Variants in SYT9 observed in about 807,000 individuals in gnomAD.
SYT9 encodes synaptotagmin-9.
SYT9 carries 22 observed loss-of-function variants against 48.4 expected under a neutral mutation model. The observed-to-expected ratio is 0.45, with a 90% CI of 0.32 to 0.65. The LOEUF is 0.65. SYT9 is among the 30% of genes least tolerant of loss of function. The pLI is 0.03. For synonymous variants in SYT9, 265 were observed against 245.0 expected (o/e 1.08, Z -0.76); for missense variants, 577 against 622.0 (o/e 0.93, Z 0.77).
intron 3 of SYT9, among the ~76,000 whole-genome samples, chr11:7,333,296 A>G (rs1025252837): frequency 1.3e-5 from 2 of 152,134 alleles, no homozygotes; most frequent in African/African-American, 2.4e-5. Flanking sequence ...AGCTCCACAC[A>G]CTCAGCTATG....
chr11:7,258,563 GA>G (rs900135836), intron 1 of SYT9, among the ~76,000 whole-genome samples: 213 of 150,858 alleles, frequency 1.4e-3, no homozygotes, highest in African/African-American at 5.0e-3. Flanking sequence ...GCACTTGAAA[GA>G]AAAAAAAATC....
At chr11:7,341,064 A>G (rs1245120484) in intron 3 of SYT9, among the ~76,000 whole-genome samples, 5 of 152,200 alleles carry the variant, frequency 3.3e-5, no homozygotes, top group Admixed American at 1.3e-4. Flanking sequence ...TGAAGCTGTT[A>G]CTAGCTGGAA....
At chr11:7,412,592 C>T (rs554134975) in intron 3 of SYT9, among the ~76,000 whole-genome samples, 1 of 152,288 alleles carries the variant, frequency 6.6e-6, no homozygotes, top group Admixed American at 6.5e-5. Flanking sequence ...CTTTGAGCCC[C>T]AGAGTGATGT....
chr11:7,353,024 T>C (rs1849947320), intron 3 of SYT9, among the ~76,000 whole-genome samples: 1 of 152,222 alleles, frequency 6.6e-6, no homozygotes, highest in African/African-American at 2.4e-5. Context: ...TAAATATACA[T>C]ATATGGGGTA....
chr11:7,287,397 G>A (rs1021934883), intron 1 of SYT9, among the ~76,000 whole-genome samples: 5 of 152,156 alleles, frequency 3.3e-5, no homozygotes, highest in African/African-American at 9.7e-5. Flanking sequence ...AGATTTGGGT[G>A]GGGACACAGA....
chr11:7,313,977 G>A (rs1045860687), intron 3 of SYT9, 36 bp downstream of exon 3: 7 of 1,581,512 alleles, frequency 4.4e-6, no homozygotes, highest in Non-Finnish European at 6.0e-6. Context: ...GTGGTGGGGG[G>A]CATCTTGGTT....
chr11:7,468,060 T>C lies in SYT9; in HGVS notation c.*1260T>C, dbSNP rs931374308. 1.0e-5 allele frequency: 4 copies of C among 385,992 alleles called. No individual in the cohort carries two copies. Among genetic ancestry groups the C allele is most frequent in the African/African-American group, 2.1e-5 (1 of 48,314 alleles). The allele number at this position is 385,992 out of a possible 1,614,324, so 23.9% of individuals were successfully genotyped here. A position where few individuals can be genotyped will look rare whatever the true frequency, so the allele number is the denominator to read the frequency against. On this transcript the variant is annotated 3_prime_UTR_variant, in exon 7 of 7. Transcript: ENST00000318881. The stretch of plus-strand genomic sequence containing the variant: ...GGGAGGACTGGGGGCTGTTACCTAA[T>C]GGTCCTCTCTGTCCCATTATAGGTG...
At chr11:7,413,481 C>T (rs1187163583) in intron 3 of SYT9, among the ~76,000 whole-genome samples, 2 of 151,986 alleles carry the variant, frequency 1.3e-5, no homozygotes, top group African/African-American at 4.8e-5. Context: ...GATCGAGGGG[C>T]TCTCCTGTCA....
intron 3 of SYT9, among the ~76,000 whole-genome samples, chr11:7,374,670 A>G (rs1185078670): frequency 2.0e-5 from 3 of 152,120 alleles, no homozygotes; most frequent in Non-Finnish European, 2.9e-5. Flanking sequence ...CGAATGACCA[A>G]TGATGATGCG....
chr11:7,450,661 G>T (rs1311266435), intron 6 of SYT9, among the ~76,000 whole-genome samples: 1 of 152,218 alleles, frequency 6.6e-6, no homozygotes, highest in Admixed American at 6.5e-5. Flanking sequence ...TCCAAATGCG[G>T]ACTTACTTCT....
At chr11:7,273,142 T>C (rs2133889641) in intron 1 of SYT9, among the ~76,000 whole-genome samples, 1 of 152,268 alleles carries the variant, frequency 6.6e-6, no homozygotes, top group South Asian at 2.1e-4. Flanking sequence ...CTGGGTCATA[T>C]AAAATGCAGA....
At chr11:7,350,250 A>G (rs550426620) in intron 3 of SYT9, among the ~76,000 whole-genome samples, 1 of 152,226 alleles carries the variant, frequency 6.6e-6, no homozygotes, top group African/African-American at 2.4e-5. Context: ...AAGTGATGAC[A>G]TTCCCAAATA....
rs186111207 is a variant in SYT9, at chr11:7,397,895, A to T, written c.1045-18147A>T. Among the ~76,000 whole-genome samples, 263 of 152,182 alleles carry T rather than the reference A, an allele frequency of 1.7e-3. 2 individuals are homozygous for T. The highest frequency in any genetic ancestry group is 6.1e-3 in the African/African-American group (252 of 41,526). ...AGTAGCATTATTTATATTTCTAAGG[A>T]TTTTCTGCATAAGTAAGCATTGCAT... On this transcript the variant is annotated intron_variant, in intron 3 of 6. Transcript: ENST00000318881.
intron 3 of SYT9, among the ~76,000 whole-genome samples, chr11:7,395,283 T>TC (rs1846730710): frequency 6.6e-6 from 1 of 152,188 alleles, no homozygotes; most frequent in Non-Finnish European, 1.5e-5. Context: ...CAATTTCAGA[T>TC]TATGTTCTGT....
intron 2 of SYT9, among the ~76,000 whole-genome samples, chr11:7,307,488 A>G (rs1849053444): frequency 6.6e-6 from 1 of 152,248 alleles, no homozygotes. Flanking sequence ...ATCAGAAACT[A>G]TTATATCCAT....
intron 2 of SYT9, among the ~76,000 whole-genome samples, chr11:7,306,166 T>C (rs898964489): frequency 6.6e-6 from 1 of 152,132 alleles, no homozygotes; most frequent in Non-Finnish European, 1.5e-5. Flanking sequence ...TGTTTCAATT[T>C]TCTCAGAATT....
chr11:7,464,820 C>T (rs961206116), intron 6 of SYT9, among the ~76,000 whole-genome samples: 28 of 152,144 alleles, frequency 1.8e-4, no homozygotes, highest in Non-Finnish European at 3.2e-4. Flanking sequence ...CGGTGGCTCA[C>T]GCCTGTAATC....
At chr11:7,453,371 A>G (rs1848094168) in intron 6 of SYT9, among the ~76,000 whole-genome samples, 1 of 152,148 alleles carries the variant, frequency 6.6e-6, no homozygotes, top group African/African-American at 2.4e-5. Flanking sequence ...ATCAGTTCCC[A>G]TGACCATCTT....
chr11:7,303,285 A>G lies in SYT9; in HGVS notation c.392A>G (p.His131Arg), dbSNP rs1564853995. ...PCPDSSMKIS[H>R]TSPDIPLSTQ... Reference sequence around the variant, plus strand: ...CCTGACTCCTCCATGAAGATCAGCCACACCTCCCCTGACATTCCCCTCTCC... The same window carrying G: ...CCTGACTCCTCCATGAAGATCAGCCGCACCTCCCCTGACATTCCCCTCTCC... The change falls in exon 2 of 7, where the codon CAC becomes CGC. Residue 131 changes from histidine to arginine, a missense_variant. By Grantham distance (29) the His-to-Arg change is conservative. Coordinates refer to ENST00000318881, the MANE Select transcript of SYT9 (RefSeq NM_175733.4). The G allele has an allele frequency of 6.2e-7, 1 of 1,614,038 alleles. No individual in the cohort carries two copies.
Sources: gnomAD v4.1 joint callset for allele counts (sites outside exome capture counted in the v4.1 genomes callset) on GRCh38, gnomAD v4.1.1 for gene constraint, MANE v1.5 for transcripts, NCBI Gene and HGNC (gene_info 2026-07-23, HGNC 2026-07-21) for gene names.